Variants in SMIM35 observed in about 807,000 individuals in gnomAD.
The protein encoded by SMIM35 is small integral membrane protein 35, also known as TMPRSS4 antisense RNA 1 (non-protein coding).
intron 1 of SMIM35, among the ~76,000 whole-genome samples, chr11:118,045,284 G>A (rs1944079471): frequency 6.7e-6 from 1 of 149,908 alleles, no homozygotes; most frequent in African/African-American, 2.4e-5. Context: ...AGTTCAAGTT[G>A]CAGAAGAATA....
At chr11:118,021,839 C>T (rs1209146713) in intron 1 of SMIM35, among the ~76,000 whole-genome samples, 1 of 152,080 alleles carries the variant, frequency 6.6e-6, no homozygotes, top group Non-Finnish European at 1.5e-5. Context: ...GAATTCAACT[C>T]TTCTCTCTCA....
At chr11:118,034,506 T>G (rs901331305) in intron 1 of SMIM35, among the ~76,000 whole-genome samples, 1 of 152,142 alleles carries the variant, frequency 6.6e-6, no homozygotes, top group Non-Finnish European at 1.5e-5. Flanking sequence ...GCAGATAGCT[T>G]GAGCTCAGGA....
intron 1 of SMIM35, chr11:118,077,092 C>CAG: frequency 1.8e-6 from 1 of 549,288 alleles, no homozygotes; most frequent in South Asian, 2.4e-5. Context: ...CTGGAATACA[C>CAG]AGAGAGAGGC....
chr11:118,027,931 T>A (rs1000451992), intron 1 of SMIM35, among the ~76,000 whole-genome samples: 2 of 152,238 alleles, frequency 1.3e-5, no homozygotes, highest in East Asian at 3.8e-4. Flanking sequence ...TCCGTAACCA[T>A]GTAGTCAAAG....
At chr11:118,028,345 C>T (rs1330951729) in intron 1 of SMIM35, among the ~76,000 whole-genome samples, 4 of 152,182 alleles carry the variant, frequency 2.6e-5, no homozygotes, top group Non-Finnish European at 4.4e-5. Context: ...TAGCCTTGGT[C>T]ATTGCTCCAG....
chr11:118,051,464 C>T (rs994944633), intron 1 of SMIM35, among the ~76,000 whole-genome samples: 7 of 152,230 alleles, frequency 4.6e-5, no homozygotes, highest in East Asian at 1.9e-4. Flanking sequence ...CTTAAATTAG[C>T]GGCCACTTCT....
chr11:118,015,788 A>G lies in SMIM35; in HGVS notation c.29T>C (p.Leu10Ser). The change falls in exon 2 of 5, where the codon TTG (leucine) becomes TCG (serine). Residue 10 changes from leucine (L) to serine (S), a missense_variant. Physicochemically the swap from Leu to Ser is moderately radical, Grantham distance 145 (BLOSUM62 -2). Coordinates refer to ENST00000689828, the MANE Select transcript of SMIM35 (RefSeq NM_001394165.1). The stretch of plus-strand genomic sequence containing the variant: ...GAGCCCCACGCCAAGGATCAGGCCC[A>G]AGGTGCTGATGGAGTCCTCACCTGC... Reference protein sequence around the residue: MTGEDSISTLGLILGVGLLL... With the variant: MTGEDSISTSGLILGVGLLL... The G allele has an allele frequency of 2.5e-6, 1 of 399,252 alleles. No individual in the cohort carries two copies. The highest frequency in any genetic ancestry group is 4.4e-6 in the Non-Finnish European group (1 of 226,282). The allele number at this position is 399,252 out of a possible 1,614,324, so 24.7% of individuals were successfully genotyped here.
chr11:118,024,340 A>G (rs559956154), intron 1 of SMIM35, among the ~76,000 whole-genome samples: 70 of 152,304 alleles, frequency 4.6e-4, no homozygotes, highest in Admixed American at 2.5e-3. Flanking sequence ...CTCCGTAAGA[A>G]TCATTCTTTT....
intron 1 of SMIM35, among the ~76,000 whole-genome samples, chr11:118,067,946 A>G (rs1279161773): frequency 6.8e-6 from 1 of 147,548 alleles, no homozygotes; most frequent in African/African-American, 2.5e-5. Flanking sequence ...GTTAAGAAAT[A>G]CACAGAAATA....
Position 118,003,778 on chromosome 11 carries a change from G to A in SMIM35, c.*2632C>T, listed in dbSNP as rs947890. ...GTGGCTTCATGGAGCCTGTCATCTG[G>A]TTATGAAGATAAACACCAAGCAAAT... On this transcript the variant is annotated 3_prime_UTR_variant, in exon 5 of 5. Coordinates refer to ENST00000689828, the MANE Select transcript of SMIM35 (RefSeq NM_001394165.1). 0.13 allele frequency: 19,209 copies of A among 152,220 alleles called. 1,275 individuals are homozygous for A. Among genetic ancestry groups the A allele is most frequent in the Admixed American group, 0.16 (2,374 of 15,292 alleles). 9.4% of individuals were successfully genotyped at this position (152,220 alleles called of 1,614,324 possible).
At chr11:118,066,396 C>G (rs866557422) in intron 1 of SMIM35, among the ~76,000 whole-genome samples, 31 of 151,944 alleles carry the variant, frequency 2.0e-4, no homozygotes, top group Non-Finnish European at 8.8e-5. Flanking sequence ...CCCAGGCTCT[C>G]CATCCACACA....
At position 118,009,851 on chromosome 11, in the gene SMIM35, G is replaced by A. The variant is rs115474956; in HGVS notation, c.*34-3475C>T. Among the ~76,000 whole-genome samples, 274 of 152,266 alleles carry A rather than the reference G, an allele frequency of 1.8e-3. 1 individual carries two copies. The highest frequency in any genetic ancestry group is 6.2e-3 in the African/African-American group (257 of 41,548). ...TGAAATAGATGTCCAAAGAGGTGGAGTAAGTAGCCCATGACCACACAGCAC... is the reference window on the plus strand; with the variant it reads ...TGAAATAGATGTCCAAAGAGGTGGAATAAGTAGCCCATGACCACACAGCAC... On this transcript the variant is annotated intron_variant, in intron 4 of 4. Coordinates refer to ENST00000689828, the MANE Select transcript of SMIM35 (RefSeq NM_001394165.1).
chr11:118,058,111 G>C (rs1591303606), intron 1 of SMIM35, among the ~76,000 whole-genome samples: 1 of 152,280 alleles, frequency 6.6e-6, no homozygotes. Flanking sequence ...TGCCTAATTA[G>C]AGCAAGTTTT....
intron 4 of SMIM35, among the ~76,000 whole-genome samples, chr11:118,010,054 C>T (rs540841659): frequency 6.6e-6 from 1 of 152,184 alleles, no homozygotes; most frequent in East Asian, 1.9e-4. Context: ...ATATGTAAAA[C>T]GGGACCAAGA....
intron 1 of SMIM35, among the ~76,000 whole-genome samples, chr11:118,086,460 G>T (rs978592492): frequency 3.3e-5 from 5 of 152,266 alleles, no homozygotes; most frequent in Non-Finnish European, 7.3e-5. Context: ...AAAGGAAAAA[G>T]TGCTGCTCTA....
intron 1 of SMIM35, among the ~76,000 whole-genome samples, chr11:118,085,008 T>C (rs1945433426): frequency 6.6e-6 from 1 of 152,122 alleles, no homozygotes; most frequent in African/African-American, 2.4e-5. Flanking sequence ...GTCTGTAAAA[T>C]CATGCAAAGA....
At chr11:118,007,546 C>T (rs1042428103) in intron 4 of SMIM35, among the ~76,000 whole-genome samples, 3 of 152,174 alleles carry the variant, frequency 2.0e-5, no homozygotes, top group African/African-American at 4.8e-5. Context: ...CAGTCAGGCA[C>T]CACCATGCCC....
At chr11:118,034,905 G>C (rs1332575890) in intron 1 of SMIM35, among the ~76,000 whole-genome samples, 1 of 151,986 alleles carries the variant, frequency 6.6e-6, no homozygotes, top group Non-Finnish European at 1.5e-5. Context: ...TTGCCAGTTA[G>C]TAAGTCCAAA....
At chr11:118,048,054 A>G (rs1297899053) in intron 1 of SMIM35, among the ~76,000 whole-genome samples, 1 of 152,166 alleles carries the variant, frequency 6.6e-6, no homozygotes, top group East Asian at 1.9e-4. Context: ...CGTTGGTAAC[A>G]TGGGAGGTGA....
Sources: gnomAD v4.1 joint callset for allele counts (sites outside exome capture counted in the v4.1 genomes callset) on GRCh38, gnomAD v4.1.1 for gene constraint, MANE v1.5 for transcripts, NCBI Gene and HGNC (gene_info 2026-07-23, HGNC 2026-07-21) for gene names.